The following ATP2A3 variants were observed in gnomAD, a reference collection of about 807,000 sequenced individuals.
ATP2A3 encodes the protein sarcoplasmic/endoplasmic reticulum calcium ATPase 3.
ATP2A3 carries 61 observed loss-of-function variants against 106.8 expected under a neutral mutation model. The ratio of observed to expected loss-of-function variants is 0.57; its 90% CI spans 0.46 to 0.71. The LOEUF (loss-of-function observed/expected upper bound fraction) is 0.71, where lower values mean the gene tolerates loss of function less well. Ranked by LOEUF, ATP2A3 falls within the 30% of genes least tolerant of loss-of-function variation. The probability of loss-of-function intolerance (pLI) is 0.00; values close to 1 mark genes in which losing one functional copy is unlikely to be tolerated. For synonymous variants in ATP2A3, 611 were observed against 609.3 expected (o/e 1.00, Z -0.04); for missense variants, 1,201 against 1,423.5 (o/e 0.84, Z 2.52).
Position 3,926,864 on chromosome 17 carries a change from C to T in ATP2A3, c.2981-1423G>A, listed in dbSNP as rs1047645961. 2.9e-4 allele frequency: 284 copies of T among 985,400 alleles called. 2 individuals carry two copies. The Middle Eastern group carries it at 5.7e-3, about 20-fold the overall frequency. The allele number at this position is 985,400 out of a possible 1,614,324, so 61.0% of individuals were successfully genotyped here. Reference sequence around the variant, plus strand: ...GATGACAGGTGTGAGCCACTGCACCCGGCCCGTTAGTCTCACCCCCTCTTG... The same window carrying T: ...GATGACAGGTGTGAGCCACTGCACCTGGCCCGTTAGTCTCACCCCCTCTTG... On this transcript the variant is annotated intron_variant, in intron 20 of 20. Coordinates refer to ENST00000397041, the MANE Select transcript of ATP2A3 (RefSeq NM_005173.4). This position sits in a 1 kb window ranked among gnomAD's most constrained non-coding sequence, Gnocchi z 4.6.
intron 8 of ATP2A3, 79 bp from the exon 9 acceptor site, chr17:3,945,227 G>T (rs898155886): frequency 9.3e-6 from 13 of 1,391,774 alleles, no homozygotes; most frequent in African/African-American, 4.4e-5. Context: ...CCAGGGTGGG[G>T]TCCTGCAGGC....
At position 3,947,512 on chromosome 17, in the gene ATP2A3, C is replaced by T. The variant is rs781334265; in HGVS notation, c.974G>A (p.Arg325His). ...CACGATGGCGTTCTTGCGTGCCATG[C>T]GCCGCGTGCCCAGTGCCAGGCATGT... Reference protein sequence around the residue: ...ITTCLALGTRRMARKNAIVRS... With the variant: ...ITTCLALGTRHMARKNAIVRS... The change falls in exon 8 of 21, where the codon CGC becomes CAC. Residue 325 changes from arginine (R) to histidine (H), a missense_variant. Around this residue, in one of 2 missense-constraint regions of ATP2A3, gnomAD observed 935 missense variants for 1,176.7 expected, o/e 0.79. Transcript: ENST00000397041. This position sits in a 1 kb window ranked among gnomAD's most constrained non-coding sequence, Gnocchi z 7.7. The T allele has an allele frequency of 5.6e-6, 9 of 1,613,414 alleles. No homozygotes were observed. The highest frequency in any genetic ancestry group is 2.2e-5 in the East Asian group (1 of 44,890).
intron 4 of ATP2A3, 36 bp downstream of exon 4, chr17:3,951,545 C>CA (rs1567715136): frequency 1.5e-6 from 2 of 1,351,070 alleles, no homozygotes; most frequent in African/African-American, 1.5e-5. Context: ...GCTGGGAGAC[C>CA]GCCCCCCGCC....
In ATP2A3 at chr17:3,953,513, G is replaced by T; in HGVS notation, c.137-84C>A. ...GCTGGGATGGCCCGGGAGACCTCCC[G>T]GCCCATTCCCTCCCTGCACTCAGAA... On this transcript the variant is annotated intron_variant, in intron 2 of 20. Transcript: ENST00000397041. The surrounding 1 kb of genome is among the most constrained non-coding windows in gnomAD (Gnocchi z 5.1). The T allele has an allele frequency of 6.5e-7, 1 of 1,539,032 alleles. No homozygotes were observed. Among genetic ancestry groups the T allele is most frequent in the Non-Finnish European group, 9.0e-7 (1 of 1,115,634 alleles).
At chr17:3,958,290 CAGAATCACTTGCT>C (rs1597677996) in intron 1 of ATP2A3, among the ~76,000 whole-genome samples, 1 of 152,200 alleles carries the variant, frequency 6.6e-6, no homozygotes, top group East Asian at 1.9e-4. Context: ...ACGCTCCAGC[CAGAATCACTTGCT>C]AGAATATAAG....
rs1020775370 is a variant in ATP2A3 at position 3,953,270 on chromosome 17, C to T, written c.219+77G>A. 2.7e-6 allele frequency: 4 copies of T among 1,508,040 alleles called. No homozygotes were observed. The South Asian group carries it at 3.4e-5, about 13-fold the overall frequency. The allele number at this position is 1,508,040 out of a possible 1,614,324, so 93.4% of individuals were successfully genotyped here. The stretch of plus-strand genomic sequence containing the variant: ...TGGAGGACAGGCCCAGGCTCCAGGA[C>T]CTCGGAGCACTGCCCAGCCTGGCTC... On this transcript the variant is annotated intron_variant, in intron 3 of 20. Coordinates refer to ENST00000397041, the MANE Select transcript of ATP2A3 (RefSeq NM_005173.4). This position sits in a 1 kb window ranked among gnomAD's most constrained non-coding sequence, Gnocchi z 5.1.
In ATP2A3 at chr17:3,930,540, C is replaced by T; in HGVS notation, c.2611-106G>A. 1.3e-6 allele frequency: 2 copies of T among 1,518,972 alleles called. No homozygotes were observed. The highest frequency in any genetic ancestry group is 3.7e-5 in the Admixed American group (2 of 54,568). The allele number at this position is 1,518,972 out of a possible 1,614,324, so 94.1% of individuals were successfully genotyped here. ...CCCTTGGCCCACGCCTGGGCACAACCAGCACACAAAACACTGCCGTGGGGT... is the reference window on the plus strand; with the variant it reads ...CCCTTGGCCCACGCCTGGGCACAACTAGCACACAAAACACTGCCGTGGGGT... On this transcript the variant is annotated intron_variant, in intron 17 of 20. Coordinates refer to ENST00000397041, the MANE Select transcript of ATP2A3 (RefSeq NM_005173.4). This position sits in a 1 kb window ranked among gnomAD's most constrained non-coding sequence, Gnocchi z 5.4.
In ATP2A3 at chr17:3,953,818, C is replaced by T; in HGVS notation, c.119-108G>A. ...TGCCTCCCCACCGTGCCCGCCCAGA[C>T]CCCCACCACGGACTGGATGTATCCC... On this transcript the variant is annotated intron_variant, in intron 1 of 20. Transcript: ENST00000397041. This position sits in a 1 kb window ranked among gnomAD's most constrained non-coding sequence, Gnocchi z 5.1. 1 of 1,219,580 alleles carries T rather than the reference C, an allele frequency of 8.2e-7. No individual in the cohort carries two copies. The highest frequency in any genetic ancestry group is 1.2e-6 in the Non-Finnish European group (1 of 846,544). The allele number at this position is 1,219,580 out of a possible 1,614,324, so 75.5% of individuals were successfully genotyped here. A position where few individuals can be genotyped will look rare whatever the true frequency, so the allele number is the denominator to read the frequency against.
chr17:3,938,973 C>T lies in ATP2A3; in HGVS notation c.2101-1337G>A, dbSNP rs566075019. ...GCTTGATCCAGGAGTTCAAGACTAGCCTGGGCAACATAGGGAGACCTCATC... is the reference window on the plus strand; with the variant it reads ...GCTTGATCCAGGAGTTCAAGACTAGTCTGGGCAACATAGGGAGACCTCATC... On this transcript the variant is annotated intron_variant, in intron 14 of 20. Coordinates refer to ENST00000397041, the MANE Select transcript of ATP2A3 (RefSeq NM_005173.4). Among the ~76,000 whole-genome samples the T allele has an allele frequency of 3.3e-5, 5 of 152,182 alleles. No homozygotes were observed. The South Asian group carries it at 1.0e-3, about 32-fold the overall frequency.
chr17:3,960,501 C>G (rs956307404), intron 1 of ATP2A3, among the ~76,000 whole-genome samples: 2 of 152,226 alleles, frequency 1.3e-5, no homozygotes, highest in East Asian at 3.9e-4. Context: ...GGGATCTGCC[C>G]GACTCTCAGG....
chr17:3,941,509 A>G lies in ATP2A3; in HGVS notation c.1691T>C (p.Leu564Pro). The stretch of plus-strand genomic sequence containing the variant: ...CCTTGGGGGCGCGTCCCGGGTGGCC[A>G]GTGCCAGGCAGCGCAGCGTGTCTGA... ...SGSDTLRCLA[L>P]ATRDAPPRKE... Residue 564 changes from leucine (L) to proline (P), a missense_variant, in exon 13 of 21, where the codon CTG (leucine) becomes CCG (proline). By Grantham distance (98) the Leu-to-Pro change is moderately conservative. This residue lies in a region of ATP2A3 where 935 missense variants were observed against 1,176.7 expected (regional missense o/e 0.79). Transcript: ENST00000397041. The G allele has an allele frequency of 6.2e-7, 1 of 1,613,808 alleles. No homozygotes were observed. Among genetic ancestry groups the G allele is most frequent in the Non-Finnish European group, 8.5e-7 (1 of 1,179,882 alleles).
rs1884920670 is a variant in ATP2A3, at chr17:3,930,792, G to A, written c.2611-358C>T. The A allele has an allele frequency of 2.6e-6, 1 of 387,162 alleles. No homozygotes were observed. The highest frequency in any genetic ancestry group is 5.0e-6 in the Non-Finnish European group (1 of 200,608). The allele number at this position is 387,162 out of a possible 1,614,324, so 24.0% of individuals were successfully genotyped here. On this transcript the variant is annotated intron_variant, in intron 17 of 20. Transcript: ENST00000397041. This position sits in a 1 kb window ranked among gnomAD's most constrained non-coding sequence, Gnocchi z 5.4. Reference sequence around the variant, plus strand: ...AATCAACCAACAAAACCATGCGGGAGTGGAATTCACCTTTGCGGTATAGAA... The same window carrying A: ...AATCAACCAACAAAACCATGCGGGAATGGAATTCACCTTTGCGGTATAGAA...
At chr17:3,958,103 C>A (rs1275938221) in intron 1 of ATP2A3, among the ~76,000 whole-genome samples, 1 of 152,232 alleles carries the variant, frequency 6.6e-6, no homozygotes, top group Admixed American at 6.5e-5. Flanking sequence ...CCAGAGGGCT[C>A]AAGTTCAAAT....
Position 3,936,141 on chromosome 17 carries a change from T to C in ATP2A3, c.2524+126A>G. 1.6e-6 allele frequency: 2 copies of C among 1,258,668 alleles called. No homozygotes were observed. Among genetic ancestry groups the C allele is most frequent in the Non-Finnish European group, 1.2e-6 (1 of 869,210 alleles). The allele number at this position is 1,258,668 out of a possible 1,614,324, so 78.0% of individuals were successfully genotyped here. On this transcript the variant is annotated intron_variant, in intron 16 of 20. Coordinates refer to ENST00000397041, the MANE Select transcript of ATP2A3 (RefSeq NM_005173.4). The surrounding 1 kb of genome is among the most constrained non-coding windows in gnomAD (Gnocchi z 5.4). Reference sequence around the variant, plus strand: ...ATCCCGCCATGCCTGGTCTTTTCCATTACATGAGCTCATACAGTTTCTACT... The same window carrying C: ...ATCCCGCCATGCCTGGTCTTTTCCACTACATGAGCTCATACAGTTTCTACT...
At chr17:3,949,059 C>T (rs945493497) in intron 7 of ATP2A3, among the ~76,000 whole-genome samples, 3 of 136,844 alleles carry the variant, frequency 2.2e-5, no homozygotes, top group Admixed American at 8.2e-5. Context: ...ACTCGGGAGG[C>T]GGAAGTTGCA....
chr17:3,938,448 C>A (rs2053567361), intron 14 of ATP2A3, among the ~76,000 whole-genome samples: 2 of 151,732 alleles, frequency 1.3e-5, no homozygotes, highest in Admixed American at 1.3e-4. Flanking sequence ...AATTGAAGGC[C>A]AGATCAAAGT....
At chr17:3,933,960 G>C (rs1305988385) in intron 17 of ATP2A3, among the ~76,000 whole-genome samples, 4 of 150,560 alleles carry the variant, frequency 2.7e-5, no homozygotes, top group Admixed American at 6.6e-5. Flanking sequence ...GTCTTGCTCT[G>C]TCTCCCAGGC....
Position 3,934,522 on chromosome 17 carries a change from C to CTT in ATP2A3, c.2610+668_2610+669dup, listed in dbSNP as rs111586874. 1.5e-3 allele frequency among the ~76,000 whole-genome samples: 183 copies of CTT among 123,384 alleles called. 3 individuals are homozygous for CTT. Among genetic ancestry groups the CTT allele is most frequent in the East Asian group, 0.011 (46 of 4,282 alleles). The allele number at this position is 123,384 out of a possible 152,430, so 80.9% of individuals were successfully genotyped here. ...CACCATGCCCAGCCTCCCCTCGATT[C>CTT]TTTTTTTTTTTTTTTTCTTGAGATG... On this transcript the variant is annotated intron_variant, in intron 17 of 20. Coordinates refer to ENST00000397041, the MANE Select transcript of ATP2A3 (RefSeq NM_005173.4).
At position 3,953,353 on chromosome 17, in the gene ATP2A3, G is replaced by A; in HGVS notation, c.213C>T (p.Val71=). Residue 71 remains valine, a synonymous_variant, in exon 3 of 21, where the codon GTC becomes GTT. Coordinates refer to ENST00000397041, the MANE Select transcript of ATP2A3 (RefSeq NM_005173.4). This position sits in a 1 kb window ranked among gnomAD's most constrained non-coding sequence, Gnocchi z 5.1. ...CTGGCAGGGCCCTACTTACAAAGGA[G>A]ACAAGGGCAGCCAGCAGCAGGATGC... The part of the protein sequence containing the change: ...LVRILLLAAL[V]SFVLAWFEEG... 6.2e-7 allele frequency: 1 copy of A among 1,613,942 alleles called. No individual in the cohort carries two copies. The highest frequency in any genetic ancestry group is 8.5e-7 in the Non-Finnish European group (1 of 1,179,986).
Sources: allele counts gnomAD v4.1 joint callset (sites outside exome capture counted in the v4.1 genomes callset), GRCh38; gene constraint gnomAD v4.1.1; regional missense constraint gnomAD v4.1.1; non-coding constraint Gnocchi (gnomAD v3.1); transcripts MANE v1.5; gene names NCBI Gene and HGNC (gene_info 2026-07-23, HGNC 2026-07-21).